CWH43: variants seen among roughly 807,000 people sequenced by gnomAD.
CWH43 encodes the protein PGAP2-interacting protein.
Under a neutral mutation model 85.7 loss-of-function variants are expected in CWH43, and 91 were observed. The observed-to-expected ratio is 1.06, with a 90% CI of 0.90 to 1.26. CWH43 has a LOEUF of 1.26. Ranked by LOEUF, CWH43 falls within the 50% of genes most tolerant of loss-of-function variation. The probability of loss-of-function intolerance (pLI) is 0.00; values close to 1 mark genes in which losing one functional copy is unlikely to be tolerated. For synonymous variants in CWH43, 323 were observed against 293.6 expected (o/e 1.10, Z -1.02); for missense variants, 869 against 839.2 (o/e 1.04, Z -0.44).
intron 14 of CWH43, among the ~76,000 whole-genome samples, chr4:49,047,994 G>A (rs1203763683): frequency 3.3e-5 from 5 of 152,168 alleles, no homozygotes; most frequent in African/African-American, 9.7e-5. Context: ...AAAGTGTTAC[G>A]GTAGGAGAGA....
chr4:49,046,771 ATGTG>A (rs1338389390), intron 14 of CWH43, among the ~76,000 whole-genome samples: 1 of 152,020 alleles, frequency 6.6e-6, no homozygotes, highest in Non-Finnish European at 1.5e-5. Flanking sequence ...GAGAGAAGTG[ATGTG>A]AGTATGGCAG....
At chr4:48,986,711 G>A (rs769388065) in intron 1 of CWH43, 24 of 1,353,340 alleles carry the variant, frequency 1.8e-5, no homozygotes, top group East Asian at 2.9e-5. Flanking sequence ...CCCGTCGCCC[G>A]AGTTCCCAGC....
At chr4:49,016,760 A>G (rs1783560535) in intron 8 of CWH43, 2 of 777,784 alleles carry the variant, frequency 2.6e-6, no homozygotes. Flanking sequence ...CTTCCCTTGC[A>G]TCTAGCTTCT....
intron 6 of CWH43, 98 bp downstream of exon 6, chr4:48,998,646 C>A: frequency 1.1e-6 from 1 of 871,032 alleles, no homozygotes; most frequent in East Asian, 2.5e-5. Flanking sequence ...TACAACCATA[C>A]AAATATGTAC....
intron 1 of CWH43, 74 bp downstream of exon 1, chr4:48,986,546 C>G: frequency 6.5e-7 from 1 of 1,543,216 alleles, no homozygotes; most frequent in South Asian, 1.2e-5. Flanking sequence ...TGGAGCCAGG[C>G]CAGGTTGGCT....
In CWH43 at chr4:48,992,164, G is replaced by GA. The variant is rs1381965741; in HGVS notation, c.511+78dup. 7.8e-7 allele frequency: 1 copy of GA among 1,275,248 alleles called. No individual in the cohort carries two copies. The highest frequency in any genetic ancestry group is 2.3e-5 in the East Asian group (1 of 42,792). 79.0% of individuals were successfully genotyped at this position (1,275,248 alleles called of 1,614,324 possible). On this transcript the variant is annotated intron_variant, in intron 4 of 15. Transcript: ENST00000226432. This position sits in a 1 kb window ranked among gnomAD's most constrained non-coding sequence, Gnocchi z 4.3. ...ATGTGAATGTTGCACATCTTGGAAA[G>GA]AAAATCTATAAAAGTAGTCTTTCTG... is the stretch of plus-strand genomic sequence containing the variant.
At chr4:49,002,868 C>T (rs1783037472) in intron 6 of CWH43, among the ~76,000 whole-genome samples, 1 of 152,122 alleles carries the variant, frequency 6.6e-6, no homozygotes, top group Non-Finnish European at 1.5e-5. Flanking sequence ...TTTCTGCTTC[C>T]CACTCCTTTC....
At chr4:49,033,835 A>G (rs1490759186) in intron 12 of CWH43, among the ~76,000 whole-genome samples, 2 of 152,248 alleles carry the variant, frequency 1.3e-5, no homozygotes, top group Non-Finnish European at 2.9e-5. Flanking sequence ...TGACATTCAC[A>G]TGCAAGCTTT....
intron 13 of CWH43, among the ~76,000 whole-genome samples, chr4:49,039,070 A>G (rs1206840447): frequency 1.1e-5 from 1 of 87,536 alleles, no homozygotes; most frequent in African/African-American, 2.8e-5. Context: ...AAAAATATAT[A>G]AATAAATTAA....
In CWH43 at chr4:48,991,495, C is replaced by A. The variant is rs778807710; in HGVS notation, c.277C>A (p.Leu93Met). 2 of 1,614,066 alleles carry A rather than the reference C, an allele frequency of 1.2e-6. No individual in the cohort carries two copies. The highest frequency in any genetic ancestry group is 1.7e-6 in the Non-Finnish European group (2 of 1,179,984). The change falls in exon 3 of 16, where the codon CTG becomes ATG. Residue 93 changes from leucine to methionine, a missense_variant. Leu to Met is a conservative substitution (Grantham distance 15). Coordinates refer to ENST00000226432, the MANE Select transcript of CWH43 (RefSeq NM_025087.3). ...CCAGGCTCCAAATGCCAAACTTCGA[C>A]TGATGGTTCTTGCGCTTGGGGTGTC... The part of the protein sequence containing the change: ...SFQAPNAKLR[L>M]MVLALGVSSS...
intron 15 of CWH43, among the ~76,000 whole-genome samples, chr4:49,059,001 A>T (rs1272868114): frequency 6.6e-6 from 1 of 152,114 alleles, no homozygotes. Context: ...TCTGCATGTG[A>T]ATCTTCCTCT....
intron 15 of CWH43, among the ~76,000 whole-genome samples, chr4:49,054,012 G>T (rs1005579346): frequency 1.6e-4 from 24 of 152,098 alleles, no homozygotes; most frequent in African/African-American, 5.6e-4. Context: ...AAGCTTGTTA[G>T]TTCGATAGAA....
intron 1 of CWH43, chr4:48,986,698 G>T (rs1339913741): frequency 3.0e-6 from 4 of 1,348,098 alleles, no homozygotes; most frequent in East Asian, 3.0e-5. Context: ...GCCCGCGAGA[G>T]ACCCCGTCGC....
chr4:49,058,582 G>T (rs1320665069), intron 15 of CWH43, among the ~76,000 whole-genome samples: 1 of 151,996 alleles, frequency 6.6e-6, no homozygotes, highest in East Asian at 1.9e-4. Flanking sequence ...TTTCATATGT[G>T]TTCACATTTT....
intron 13 of CWH43, among the ~76,000 whole-genome samples, chr4:49,043,294 A>G (rs1784524608): frequency 6.6e-6 from 1 of 152,220 alleles, no homozygotes; most frequent in Admixed American, 6.5e-5. Flanking sequence ...GCGTAAGTAC[A>G]TGGTCTATGA....
At chr4:49,031,594 T>C (rs1167982027) in intron 11 of CWH43, among the ~76,000 whole-genome samples, 1 of 152,158 alleles carries the variant, frequency 6.6e-6, no homozygotes, top group Non-Finnish European at 1.5e-5. Context: ...CCAGTTGTGA[T>C]TGGAAGCCAC....
intron 1 of CWH43, chr4:48,986,736 G>C: frequency 7.6e-7 from 1 of 1,312,996 alleles, no homozygotes; most frequent in Non-Finnish European, 9.7e-7. Context: ...CTGGGATTGT[G>C]CCCAAGGAGC....
intron 8 of CWH43, among the ~76,000 whole-genome samples, chr4:49,010,780 G>A (rs1414490435): frequency 6.6e-6 from 1 of 152,204 alleles, no homozygotes. Context: ...AGGTAGTTGT[G>A]TGGTTTTGGG....
Position 49,039,512 on chromosome 4 carries a change from A to G in CWH43, c.1803+1332A>G, listed in dbSNP as rs560730655. On this transcript the variant is annotated intron_variant, in intron 13 of 15. Coordinates refer to ENST00000226432, the MANE Select transcript of CWH43 (RefSeq NM_025087.3). ...TGATTGTTATGTTTAGTTATGCCCT[A>G]TGCAGATGTCTTGGTCCCTTTCATT... is the stretch of plus-strand genomic sequence containing the variant. 4.0e-5 allele frequency among the ~76,000 whole-genome samples: 6 copies of G among 148,284 alleles called. No homozygotes were observed. In the East Asian group the frequency reaches 1.2e-3, roughly 29 times the overall value.
Sources: allele counts gnomAD v4.1 joint callset (sites outside exome capture counted in the v4.1 genomes callset), GRCh38; gene constraint gnomAD v4.1.1; non-coding constraint Gnocchi (gnomAD v3.1); transcripts MANE v1.5; gene names NCBI Gene and HGNC (gene_info 2026-07-23, HGNC 2026-07-21).